ZAN: variants seen among roughly 807,000 people sequenced by gnomAD.
ZAN encodes zonadhesin.
A neutral mutation model predicts 286.2 loss-of-function variants in ZAN; 260 were observed. The observed-to-expected ratio is 0.91, with a 90% CI of 0.82 to 1.01. The LOEUF (loss-of-function observed/expected upper bound fraction) is 1.01, where lower values mean the gene tolerates loss of function less well. ZAN is among the 50% of genes least tolerant of loss of function. The probability of loss-of-function intolerance (pLI) is 0.00; values close to 1 mark genes in which losing one functional copy is unlikely to be tolerated. For missense variants in ZAN, 3,410 were observed against 3,639.2 expected (o/e 0.94, Z 1.62); for synonymous variants, 1,368 against 1,417.5 (o/e 0.97, Z 0.79).
intron 27 of ZAN, among the ~76,000 whole-genome samples, chr7:100,769,438 C>T (rs1361164647): frequency 1.3e-5 from 2 of 151,986 alleles, no homozygotes; most frequent in African/African-American, 2.4e-5. Flanking sequence ...TCCTCAGGCC[C>T]TCAGGTCTTG....
intron 19 of ZAN, among the ~76,000 whole-genome samples, chr7:100,760,834 T>C (rs1433729878): frequency 2.6e-5 from 4 of 152,166 alleles, no homozygotes; most frequent in Non-Finnish European, 1.5e-5. Flanking sequence ...GGCAGTCACC[T>C]GGTCCCATTC....
At chr7:100,792,525 G>C in intron 42 of ZAN, 46 bp downstream of exon 42, 1 of 1,611,498 alleles carries the variant, frequency 6.2e-7, no homozygotes. Context: ...TGGCTGGCTG[G>C]CGGGACCGCA....
At position 100,792,483 on chromosome 7, in the gene ZAN, C is replaced by A; in HGVS notation, c.7787+4C>A. The A allele has an allele frequency of 6.2e-7, 1 of 1,613,826 alleles. No individual in the cohort carries two copies. Among genetic ancestry groups the A allele is most frequent in the Non-Finnish European group, 8.5e-7 (1 of 1,179,850 alleles). ...TGCGTTGCCAGGTCCTCAGTGGGTA[C>A]GCCATCCTCTGCCAGGAGGCGGGCG... On this transcript the variant is annotated splice_donor_region_variant and intron_variant, in intron 42 of 47. Coordinates refer to ENST00000613979, the MANE Select transcript of ZAN (RefSeq NM_003386.3).
intron 2 of ZAN, 140 bp from the exon 3 acceptor site, chr7:100,735,580 A>G: frequency 1.5e-6 from 1 of 662,286 alleles, no homozygotes; most frequent in Non-Finnish European, 2.4e-6. Flanking sequence ...AAAAAAAGAA[A>G]AAAAGTCAAG....
At chr7:100,790,751 T>A (rs545756197) in intron 39 of ZAN, among the ~76,000 whole-genome samples, 191 bp from the exon 40 acceptor site, 1 of 150,402 alleles carries the variant, frequency 6.6e-6, no homozygotes, top group South Asian at 2.1e-4. Context: ...GGCATGGTGG[T>A]GTGTGCCTGT....
intron 7 of ZAN, among the ~76,000 whole-genome samples, chr7:100,738,866 CT>C (rs1562911179): frequency 4.2e-5 from 1 of 24,026 alleles, no homozygotes; most frequent in Non-Finnish European, 9.0e-5. Flanking sequence ...TTCTCTTCCT[CT>C]TCTTCTTCTC....
rs59861703 is a variant in ZAN at position 100,786,128 on chromosome 7, T to C, written c.6966T>C (p.Asn2322=). The C allele has an allele frequency of 0.015, 24,203 of 1,613,872 alleles. 908 individuals carry two copies. The highest frequency in any genetic ancestry group is 0.11 in the South Asian group (9,771 of 91,072). The change falls in exon 37 of 48, where the codon AAT becomes AAC. Residue 2322 remains asparagine (N), a synonymous_variant. Coordinates refer to ENST00000613979, the MANE Select transcript of ZAN (RefSeq NM_003386.3). ...CQLTSDNSNS[N]CVSDKSEQCS... ...TCACTTCCGACAACAGCAACAGCAA[T>C]TGTGTCTCAGACAGTAAGGGGAGCG...
chr7:100,770,185 GA>G (rs1211918484), intron 28 of ZAN, among the ~76,000 whole-genome samples: 1 of 151,770 alleles, frequency 6.6e-6, no homozygotes, highest in Non-Finnish European at 1.5e-5. Context: ...ATAAATCCGG[GA>G]TTTCTTTTTT....
rs897214009 is a variant in ZAN, at chr7:100,759,156, C to T, written c.3571+506C>T. 5.3e-5 allele frequency among the ~76,000 whole-genome samples: 8 copies of T among 151,272 alleles called. No individual in the cohort carries two copies. The East Asian group carries it at 5.8e-4, about 11-fold the overall frequency. ...AGGAGAATTGCTTGAACCTGGGAGG[C>T]GGAGGTTGCAGTGAGCCAAGATCGA... On this transcript the variant is annotated intron_variant, in intron 17 of 47. Coordinates refer to ENST00000613979, the MANE Select transcript of ZAN (RefSeq NM_003386.3).
chr7:100,759,661 G>C (rs978763897), intron 17 of ZAN, 60 bp from the exon 18 acceptor site: 105 of 1,520,808 alleles, frequency 6.9e-5, no homozygotes, highest in Admixed American at 2.5e-4. Context: ...TCAGGGCACT[G>C]CTCGCGGCAG....
chr7:100,773,351 G>A lies in ZAN; in HGVS notation c.5492G>A (p.Ser1831Asn). 1 of 1,613,964 alleles carries A rather than the reference G, an allele frequency of 6.2e-7. No homozygotes were observed. The highest frequency in any genetic ancestry group is 8.5e-7 in the Non-Finnish European group (1 of 1,179,892). The change falls in exon 30 of 48, where the codon AGC becomes AAC. Residue 1831 changes from serine to asparagine, a missense_variant. Ser to Asn is a conservative substitution (Grantham distance 46). Transcript: ENST00000613979. Reference protein sequence around the residue: ...CSSPCPDTCSSINNPRDCPKA... With the variant: ...CSSPCPDTCSNINNPRDCPKA... ...AGCCCCTGCCCAGACACCTGCAGCA[G>A]CATAAACAACCCGAGGGACTGCCCC...
intron 34 of ZAN, 103 bp from the exon 35 acceptor site, chr7:100,779,343 A>C (rs1324352510): frequency 4.2e-6 from 5 of 1,193,782 alleles, no homozygotes; most frequent in Non-Finnish European, 4.6e-6. Flanking sequence ...GTTGCATTGC[A>C]CTCCAGCCTG....
rs958308938 is a variant in ZAN at position 100,737,850 on chromosome 7, C to T, written c.613+501C>T. 1.4e-5 allele frequency among the ~76,000 whole-genome samples: 2 copies of T among 141,086 alleles called. 1 individual carries two copies. 92.6% of individuals were successfully genotyped at this position (141,086 alleles called of 152,430 possible). ...AGCACAGTGGCTCAGGCCTGTAATCCCAGCACCTTGGGAGGCCAAGGTGGG... is the reference window on the plus strand; with the variant it reads ...AGCACAGTGGCTCAGGCCTGTAATCTCAGCACCTTGGGAGGCCAAGGTGGG... On this transcript the variant is annotated intron_variant, in intron 6 of 47. Transcript: ENST00000613979.
Position 100,758,282 on chromosome 7 carries a change from TCA to T in ZAN, c.3391_3392del (p.Gln1131ValfsTer10). On this transcript the variant is annotated frameshift_variant, in exon 16 of 48. Coordinates refer to ENST00000613979, the MANE Select transcript of ZAN (RefSeq NM_003386.3). LOFTEE classifies it high-confidence loss of function. Reference protein sequence around the residue: ...PGSRVECQISQCGTHTVCQLK... With the variant: ...PGSRVECQISXCGTHTVCQLK... ...GCAGTCGGGTCGAGTGCCAGATCTC[TCA>T]GTGTGGGACACACACCGTGTGCCAG... 1 of 1,613,338 alleles carries T rather than the reference TCA, an allele frequency of 6.2e-7. No individual in the cohort carries two copies. The highest frequency in any genetic ancestry group is 8.5e-7 in the Non-Finnish European group (1 of 1,179,870).
intron 15 of ZAN, among the ~76,000 whole-genome samples, chr7:100,756,344 G>C (rs1402545277): frequency 6.6e-6 from 1 of 152,000 alleles, no homozygotes; most frequent in African/African-American, 2.4e-5. Context: ...TGGAGGGATT[G>C]GTTGAGCCCA....
rs919546282 is a variant in ZAN at position 100,764,210 on chromosome 7, A to G, written c.4267+14A>G. On this transcript the variant is annotated intron_variant, in intron 22 of 47. Coordinates refer to ENST00000613979, the MANE Select transcript of ZAN (RefSeq NM_003386.3). ...CCCACTTCTGCCGTGAGTTGTGCCA[A>G]ACTCAGAGGAGAGGCCGGGCACGGT... 2 of 1,522,840 alleles carry G rather than the reference A, an allele frequency of 1.3e-6. No individual in the cohort carries two copies. The highest frequency in any genetic ancestry group is 2.4e-5 in the East Asian group (1 of 41,948). 94.3% of individuals were successfully genotyped at this position (1,522,840 alleles called of 1,614,324 possible). A position where few individuals can be genotyped will look rare whatever the true frequency, so the allele number is the denominator to read the frequency against.
intron 34 of ZAN, among the ~76,000 whole-genome samples, chr7:100,778,636 G>A (rs762173790): frequency 3.3e-5 from 5 of 151,878 alleles, no homozygotes; most frequent in Non-Finnish European, 7.4e-5. Flanking sequence ...GAGGCCGATG[G>A]AAGATTGGCC....
chr7:100,760,607 C>A, intron 19 of ZAN, 71 bp downstream of exon 19: 1 of 1,553,200 alleles, frequency 6.4e-7, no homozygotes, highest in Non-Finnish European at 8.7e-7. Flanking sequence ...CTTCTTCCTG[C>A]TGCCCACCCT....
Position 100,755,288 on chromosome 7 carries a change from A to G in ZAN, c.3187A>G (p.Arg1063Gly), listed in dbSNP as rs768356665. ...TTGTCCTGCTTCGTGCAAGAGCCCC[A>G]GGCCTAGCTGTGGGCCCCTCTGTCG... Reference protein sequence around the residue: ...CACPASCKSPRPSCGPLCREG... With the variant: ...CACPASCKSPGPSCGPLCREG... The change falls in exon 15 of 48, where the codon AGG becomes GGG. Residue 1063 changes from arginine to glycine, a missense_variant. By Grantham distance (125) the Arg-to-Gly change is moderately radical. Around this residue, in one of 7 missense-constraint regions of ZAN, gnomAD observed 1,042 missense variants for 1,058.0 expected, o/e 0.98. Transcript: ENST00000613979. 6.2e-6 allele frequency: 10 copies of G among 1,613,750 alleles called. No individual in the cohort carries two copies. The South Asian group carries it at 7.7e-5, about 12-fold the overall frequency.
Sources: gnomAD v4.1 joint callset for allele counts (sites outside exome capture counted in the v4.1 genomes callset) on GRCh38, gnomAD v4.1.1 for gene constraint, gnomAD v4.1.1 regional missense constraint, MANE v1.5 for transcripts, NCBI Gene and HGNC (gene_info 2026-07-23, HGNC 2026-07-21) for gene names.